The following FAAH2 variants were observed in gnomAD, a reference collection of about 807,000 sequenced individuals.
FAAH2 encodes fatty-acid amide hydrolase 2.
In FAAH2, 60 loss-of-function variants were observed where a neutral mutation model predicts 36.9. The observed-to-expected ratio is 1.63, with a 90% CI of 1.32 to 2.02. The LOEUF is 2.02. FAAH2 is among the 30% of genes most tolerant of loss of function. The pLI, the probability that FAAH2 is intolerant of heterozygous loss-of-function variation, is 0.00. For missense variants in FAAH2, 689 were observed against 397.5 expected (o/e 1.73, Z -6.23); for synonymous variants, 214 against 143.8 (o/e 1.49, Z -3.49).
At chrX:57,481,820 G>T (rs894435317) in intron 10 of FAAH2, among the ~76,000 whole-genome samples, 1 of 112,133 alleles carries the variant, frequency 8.9e-6, no homozygotes, top group Non-Finnish European at 1.9e-5. Flanking sequence ...GAGCCAGCAG[G>T]CCAGAATGAT....
At chrX:57,467,472 G>A (rs946670455) in intron 10 of FAAH2, among the ~76,000 whole-genome samples, 1 of 111,975 alleles carries the variant, frequency 8.9e-6, no homozygotes, top group African/African-American at 3.2e-5. Flanking sequence ...CTGGCTCAGA[G>A]GGTCCTACAC....
intron 5 of FAAH2, among the ~76,000 whole-genome samples, chrX:57,356,749 T>A (rs1195111631): frequency 9.0e-6 from 1 of 110,902 alleles, no homozygotes; most frequent in African/African-American, 3.3e-5. Context: ...TACTAAATTC[T>A]ATTTTATTTA....
the FAAH2 span, among the ~76,000 whole-genome samples, chrX:57,152,547 G>A: frequency 9.8e-5 from 11 of 112,287 alleles, no homozygotes; most frequent in African/African-American, 3.6e-4. Flanking sequence ...GCGAGACTCC[G>A]TGGGCATAGT....
At chrX:57,225,871 C>T in the FAAH2 span, among the ~76,000 whole-genome samples, 2 of 111,932 alleles carry the variant, frequency 1.8e-5, no homozygotes, top group Admixed American at 1.9e-4. Flanking sequence ...TTGTATCAGG[C>T]CTTTTTACCA....
At position 57,379,531 on chromosome X, in the gene FAAH2, G is replaced by GCT. The variant is rs57962376; in HGVS notation, c.878+759_878+760dup. Among the ~76,000 whole-genome samples the GCT allele has an allele frequency of 2.1e-3, 220 of 102,616 alleles. 1 individual carries two copies. Among genetic ancestry groups the GCT allele is most frequent in the African/African-American group, 2.9e-3 (81 of 27,740 alleles). 89.1% of individuals were successfully genotyped at this position (102,616 alleles called of 115,157 possible). A position where few individuals can be genotyped will look rare whatever the true frequency, so the allele number is the denominator to read the frequency against. On this transcript the variant is annotated intron_variant, in intron 6 of 10. Transcript: ENST00000374900. ...TAACCTCTCTCTCTCTGTCTCTCTC[G>GCT]CTCTCTCTCTCTCTCACACACACAC...
the FAAH2 span, among the ~76,000 whole-genome samples, chrX:57,265,794 C>A: frequency 2.8e-3 from 311 of 111,583 alleles, no homozygotes; most frequent in African/African-American, 9.5e-3. Flanking sequence ...CCAAGCCAAC[C>A]TGGGGTGGAA....
the FAAH2 span, among the ~76,000 whole-genome samples, chrX:57,180,186 T>C: frequency 1.8e-5 from 2 of 111,408 alleles, no homozygotes; most frequent in Non-Finnish European, 3.8e-5. Context: ...ATTAACAATC[T>C]AACATTACAA....
the FAAH2 span, among the ~76,000 whole-genome samples, chrX:57,246,149 C>T: frequency 8.9e-5 from 10 of 111,758 alleles, no homozygotes; most frequent in African/African-American, 3.3e-4. Context: ...TTCCTGGACA[C>T]ATAAACCCTA....
chrX:57,345,119 C>A (rs1038988227), intron 5 of FAAH2, among the ~76,000 whole-genome samples: 1 of 76,143 alleles, frequency 1.3e-5, no homozygotes, highest in Admixed American at 1.4e-4. Context: ...ATCCTCTCCT[C>A]AATTTTTTTT....
At chrX:57,458,560 G>T (rs1289168870) in intron 10 of FAAH2, among the ~76,000 whole-genome samples, 1 of 112,085 alleles carries the variant, frequency 8.9e-6, no homozygotes, top group Non-Finnish European at 1.9e-5. Context: ...AATAGGAATA[G>T]CAGCTTCAGT....
At chrX:57,324,589 T>G (rs1346654561) in intron 3 of FAAH2, among the ~76,000 whole-genome samples, 3 of 111,844 alleles carry the variant, frequency 2.7e-5, no homozygotes, top group Non-Finnish European at 5.6e-5. Flanking sequence ...GGTATTTTAT[T>G]CTCTTTGAAG....
At chrX:57,487,167 T>C (rs2057489691) in intron 10 of FAAH2, among the ~76,000 whole-genome samples, 1 of 110,972 alleles carries the variant, frequency 9.0e-6, no homozygotes, top group African/African-American at 3.3e-5. Flanking sequence ...ATGTAAAAGC[T>C]AAAACTCTAA....
intron 5 of FAAH2, among the ~76,000 whole-genome samples, chrX:57,365,282 T>C (rs2054386382): frequency 8.9e-6 from 1 of 112,106 alleles, no homozygotes; most frequent in Non-Finnish European, 1.9e-5. Context: ...CATTTGCTTG[T>C]CTGAAAAAGA....
At chrX:57,478,719 TC>T (rs1398148883) in intron 10 of FAAH2, among the ~76,000 whole-genome samples, 1 of 112,031 alleles carries the variant, frequency 8.9e-6, no homozygotes, top group African/African-American at 3.2e-5. Context: ...TAGCCAGTTT[TC>T]CCAGCACCAT....
chrX:57,238,344 T>C, the FAAH2 span, among the ~76,000 whole-genome samples: 7 of 111,787 alleles, frequency 6.3e-5, no homozygotes, highest in South Asian at 3.7e-4. Context: ...ATGTCCTTTG[T>C]ATGAACAGCA....
At chrX:57,253,248 T>C in the FAAH2 span, among the ~76,000 whole-genome samples, 3 of 108,191 alleles carry the variant, frequency 2.8e-5, no homozygotes, top group East Asian at 8.7e-4. Context: ...AAAAAAAGCC[T>C]CCAAGAAAAA....
chrX:57,221,060 C>A, the FAAH2 span, among the ~76,000 whole-genome samples: 10 of 111,536 alleles, frequency 9.0e-5, no homozygotes, highest in East Asian at 2.0e-3. Context: ...ACCACCCAGT[C>A]CTCCCAGGTG....
the FAAH2 span, among the ~76,000 whole-genome samples, chrX:57,260,259 G>C: frequency 9.0e-6 from 1 of 111,575 alleles, no homozygotes; most frequent in Admixed American, 9.6e-5. Context: ...ACAGAAAATA[G>C]AGTTCAGAAA....
the FAAH2 span, among the ~76,000 whole-genome samples, chrX:57,255,103 G>A: frequency 1.3e-4 from 14 of 111,385 alleles, no homozygotes; most frequent in Admixed American, 5.7e-4. Flanking sequence ...TATCACCACC[G>A]ATCCCACAGA....
Sources: gnomAD v4.1 joint callset for allele counts (sites outside exome capture counted in the v4.1 genomes callset) on GRCh38, gnomAD v4.1.1 for gene constraint, MANE v1.5 for transcripts, NCBI Gene and HGNC (gene_info 2026-07-23, HGNC 2026-07-21) for gene names.